SPIDR: variants seen among roughly 807,000 people sequenced by gnomAD.
SPIDR encodes the protein scaffold protein involved in DNA repair, also known as DNA repair-scaffolding protein.
SPIDR carries 93 observed loss-of-function variants against 104.6 expected under a neutral mutation model. The ratio of observed to expected loss-of-function variants is 0.89; its 90% CI spans 0.75 to 1.06. The LOEUF (loss-of-function observed/expected upper bound fraction) is 1.06. Among genes scored for constraint, SPIDR ranks in the 50% least tolerant of loss-of-function variants. SPIDR has a pLI of 0.00. For missense variants in SPIDR, 1,154 were observed against 1,111.2 expected (o/e 1.04, Z -0.55); for synonymous variants, 431 against 416.9 (o/e 1.03, Z -0.41).
At chr8:47,456,792 A>G (rs1241069496) in intron 8 of SPIDR, among the ~76,000 whole-genome samples, 1 of 151,996 alleles carries the variant, frequency 6.6e-6, no homozygotes, top group African/African-American at 2.4e-5. Context: ...AGTCCACTGT[A>G]TCATTCTTAC....
intron 5 of SPIDR, among the ~76,000 whole-genome samples, chr8:47,310,333 C>CAA (rs1166703089): frequency 9.5e-4 from 52 of 54,776 alleles, no homozygotes; most frequent in Non-Finnish European, 1.4e-3. Flanking sequence ...GACTCCATCT[C>CAA]AAAAAAAAAA....
At chr8:47,586,851 C>G (rs2060306447) in intron 8 of SPIDR, among the ~76,000 whole-genome samples, 3 of 152,194 alleles carry the variant, frequency 2.0e-5, no homozygotes. Context: ...TCACTGCAAC[C>G]TCCGCCTCCT....
chr8:47,579,089 GGTACCCA>G (rs2059440323), intron 8 of SPIDR, among the ~76,000 whole-genome samples: 1 of 152,112 alleles, frequency 6.6e-6, no homozygotes, highest in Non-Finnish European at 1.5e-5. Flanking sequence ...GAGGAGGAGT[GGTACCCA>G]GTCACTAAAT....
At chr8:47,394,130 C>G (rs1363365305) in intron 5 of SPIDR, among the ~76,000 whole-genome samples, 1 of 152,182 alleles carries the variant, frequency 6.6e-6, no homozygotes, top group East Asian at 1.9e-4. Flanking sequence ...TGCTTTCAAA[C>G]TCCTGGCCTC....
At chr8:47,384,483 C>T (rs797038656) in intron 5 of SPIDR, among the ~76,000 whole-genome samples, 23 of 152,196 alleles carry the variant, frequency 1.5e-4, no homozygotes, top group African/African-American at 5.3e-4. Context: ...AACTGGTATC[C>T]GCAGGCTGTA....
At chr8:47,444,343 T>C (rs144106375) in intron 8 of SPIDR, among the ~76,000 whole-genome samples, 2,234 of 152,216 alleles carry the variant, frequency 0.015, 30 homozygotes, top group Non-Finnish European at 0.022. Context: ...TGTGTGAGAG[T>C]GTATCCAGAG....
At chr8:47,320,609 CAGCCTGATACCAA>C (rs2046365416) in intron 5 of SPIDR, among the ~76,000 whole-genome samples, 1 of 152,192 alleles carries the variant, frequency 6.6e-6, no homozygotes, top group Non-Finnish European at 1.5e-5. Context: ...AGGCCAGCAT[CAGCCTGATACCAA>C]AGCCTGGCAG....
chr8:47,360,849 G>C (rs1432009324), intron 5 of SPIDR: 1 of 985,310 alleles, frequency 1.0e-6, no homozygotes, highest in Non-Finnish European at 1.2e-6. Flanking sequence ...GGTGTTTTCA[G>C]CCTTCTTCTT....
At chr8:47,453,849 A>G (rs1312291700) in intron 8 of SPIDR, among the ~76,000 whole-genome samples, 4 of 152,214 alleles carry the variant, frequency 2.6e-5, no homozygotes, top group African/African-American at 9.6e-5. Context: ...AAAGGAAGAC[A>G]TTTATGCAGC....
At position 47,446,555 on chromosome 8, in the gene SPIDR, G is replaced by A. The variant is rs371490420; in HGVS notation, c.1097+6013G>A. On this transcript the variant is annotated intron_variant, in intron 8 of 19. Transcript: ENST00000297423. ...GGGTAATTTTGACTTTTCAAGTCTT[G>A]CTTTTAACTGCCATAGATAATGATT... Among the ~76,000 whole-genome samples, 31 of 150,000 alleles carry A rather than the reference G, an allele frequency of 2.1e-4. 1 individual carries two copies. Among genetic ancestry groups the A allele is most frequent in the African/African-American group, 7.3e-4 (30 of 40,958 alleles).
At chr8:47,288,626 TAG>T (rs2039322541) in intron 3 of SPIDR, among the ~76,000 whole-genome samples, 1 of 152,228 alleles carries the variant, frequency 6.6e-6, no homozygotes, top group Non-Finnish European at 1.5e-5. Context: ...ATAATAATGA[TAG>T]AGATTGATAA....
intron 17 of SPIDR, 123 bp downstream of exon 17, chr8:47,727,416 C>A: frequency 1.2e-6 from 1 of 817,810 alleles, no homozygotes; most frequent in Non-Finnish European, 2.0e-6. Flanking sequence ...GCAACCTCTG[C>A]CTCTGCTGAG....
chr8:47,565,620 ATATT>A (rs1330322873), intron 8 of SPIDR, among the ~76,000 whole-genome samples: 59 of 152,070 alleles, frequency 3.9e-4, no homozygotes, highest in Admixed American at 1.1e-3. Flanking sequence ...ATATTTAAAA[ATATT>A]TTATAGTCTT....
At chr8:47,415,812 G>T (rs370317139) in intron 7 of SPIDR, among the ~76,000 whole-genome samples, 52 of 152,310 alleles carry the variant, frequency 3.4e-4, no homozygotes, top group African/African-American at 1.2e-3. Context: ...TAAGATACTT[G>T]TTTAGATTCA....
intron 5 of SPIDR, among the ~76,000 whole-genome samples, chr8:47,391,059 G>A (rs1247228192): frequency 6.6e-6 from 1 of 152,092 alleles, no homozygotes; most frequent in African/African-American, 2.4e-5. Flanking sequence ...TCTCACAGTC[G>A]GGCTTAGGCC....
intron 5 of SPIDR, among the ~76,000 whole-genome samples, chr8:47,302,213 AC>A (rs1266693388): frequency 1.3e-5 from 2 of 151,474 alleles, no homozygotes; most frequent in Non-Finnish European, 2.9e-5. Flanking sequence ...CATCACTGAT[AC>A]CCTTTCTTCC....
chr8:47,354,590 A>G (rs879963123), intron 5 of SPIDR, among the ~76,000 whole-genome samples: 1 of 152,098 alleles, frequency 6.6e-6, no homozygotes, highest in African/African-American at 2.4e-5. Context: ...TATTTAACCA[A>G]GGTAATAAAT....
At chr8:47,631,645 A>G (rs576317819) in intron 10 of SPIDR, among the ~76,000 whole-genome samples, 369 of 152,344 alleles carry the variant, frequency 2.4e-3, no homozygotes, top group Non-Finnish European at 4.3e-3. Flanking sequence ...GGAAGAGTTG[A>G]TAAAGAATTC....
intron 8 of SPIDR, among the ~76,000 whole-genome samples, chr8:47,462,384 A>G (rs1190881707): frequency 7.2e-5 from 11 of 152,064 alleles, no homozygotes; most frequent in Admixed American, 5.9e-4. Context: ...TTCCTGGTAT[A>G]TTCCTGCAGT....
Sources: gnomAD v4.1 joint callset for allele counts (sites outside exome capture counted in the v4.1 genomes callset) on GRCh38, gnomAD v4.1.1 for gene constraint, MANE v1.5 for transcripts, NCBI Gene and HGNC (gene_info 2026-07-23, HGNC 2026-07-21) for gene names.